PAM: variants seen among roughly 807,000 people sequenced by gnomAD.
PAM encodes peptidylglycine alpha-amidating monooxygenase.
A neutral mutation model predicts 122.1 loss-of-function variants in PAM; 72 were observed. The observed-to-expected ratio is 0.59, with a 90% CI of 0.49 to 0.72. PAM has a LOEUF of 0.72. Ranked by LOEUF, PAM falls within the 30% of genes least tolerant of loss-of-function variation. The probability of loss-of-function intolerance (pLI) is 0.00; values close to 1 mark genes in which losing one functional copy is unlikely to be tolerated. For synonymous variants in PAM, 389 were observed against 404.4 expected, an observed-to-expected ratio of 0.96 and a Z score of 0.46; for missense variants, 1,106 against 1,183.7, an observed-to-expected ratio of 0.93 and a Z score of 0.96.
chr5:102,925,137 A>G, intron 6 of PAM, 95 bp downstream of exon 6: 1 of 767,628 alleles, frequency 1.3e-6, no homozygotes, highest in South Asian at 1.4e-5. Context: ...CAGTGTTGAC[A>G]GTGTTCTGTA....
At chr5:102,770,404 T>C (rs1397495713) in intron 1 of PAM, among the ~76,000 whole-genome samples, 2 of 152,118 alleles carry the variant, frequency 1.3e-5, no homozygotes, top group Non-Finnish European at 2.9e-5. Flanking sequence ...CAGTACTGCG[T>C]TGAATAACAA....
intron 1 of PAM, among the ~76,000 whole-genome samples, chr5:102,801,810 G>C (rs990606954): frequency 8.3e-6 from 1 of 120,138 alleles, no homozygotes; most frequent in Non-Finnish European, 1.6e-5. Context: ...ACGGAGTCTC[G>C]CTCTGTCGCC....
chr5:102,774,937 T>C (rs1368249682), intron 1 of PAM, among the ~76,000 whole-genome samples: 1 of 152,092 alleles, frequency 6.6e-6, no homozygotes, highest in Non-Finnish European at 1.5e-5. Context: ...CTATTGTTTT[T>C]ATTTTTATAA....
In PAM at chr5:102,990,386, A is replaced by G. The variant is rs747255186; in HGVS notation, c.1598A>G (p.His533Arg). The stretch of plus-strand genomic sequence containing the variant: ...CTGGTGATTTTCCACAGAGGTGACC[A>G]TGTCTGGGATGGAAAGTAAGTAATA... ...NNLVIFHRGD[H>R]VWDGNSFDSK... The change falls in exon 16 of 26, where the codon CAT becomes CGT. Residue 533 changes from histidine (H) to arginine (R), a missense_variant. This residue lies in a region of PAM where 670 missense variants were observed against 690.3 expected (regional missense o/e 0.97). Transcript: ENST00000438793. The G allele has an allele frequency of 1.3e-6, 2 of 1,595,382 alleles. No homozygotes were observed. The highest frequency in any genetic ancestry group is 1.1e-5 in the South Asian group (1 of 87,304).
chr5:102,915,824 A>G (rs1008779823), intron 5 of PAM, among the ~76,000 whole-genome samples: 1 of 152,120 alleles, frequency 6.6e-6, no homozygotes, highest in Non-Finnish European at 1.5e-5. Flanking sequence ...AGCCAAGCTC[A>G]TTGTTCTCAT....
chr5:102,910,724 G>A (rs1261585199), intron 4 of PAM, among the ~76,000 whole-genome samples: 1 of 151,768 alleles, frequency 6.6e-6, no homozygotes, highest in Non-Finnish European at 1.5e-5. Flanking sequence ...TGTCAGAATC[G>A]CACACTGAAA....
At chr5:102,958,014 A>G (rs1472054799) in intron 12 of PAM, among the ~76,000 whole-genome samples, 2 of 152,200 alleles carry the variant, frequency 1.3e-5, no homozygotes, top group African/African-American at 2.4e-5. Flanking sequence ...GCAACAGAGA[A>G]CACACTGGCC....
At chr5:102,992,242 G>T (rs1438592534) in intron 16 of PAM, among the ~76,000 whole-genome samples, 1 of 152,218 alleles carries the variant, frequency 6.6e-6, no homozygotes, top group East Asian at 1.9e-4. Flanking sequence ...TCTACAAAGG[G>T]GTGCAGTTGA....
In PAM at chr5:102,950,416, G is replaced by GTGTGTGTGT. The variant is rs1758418594; in HGVS notation, c.802-301_802-300insTGTGTGTGT. Among the ~76,000 whole-genome samples, 1,119 of 146,044 alleles carry GTGTGTGTGT rather than the reference G, an allele frequency of 7.7e-3. 13 individuals carry two copies. Among genetic ancestry groups the GTGTGTGTGT allele is most frequent in the African/African-American group, 0.027 (1,039 of 38,996 alleles). ...CAGTGATTATTTGTGTATGTGGGTGGGTGTGTGTGTGTGTGTGTGTGTGTC... is the reference window on the plus strand; with the variant it reads ...CAGTGATTATTTGTGTATGTGGGTGGTGTGTGTGTGTGTGTGTGTGTGTGTGTGTGTGTC... On this transcript the variant is annotated intron_variant, in intron 11 of 25. Coordinates refer to ENST00000438793, the MANE Select transcript of PAM (RefSeq NM_001177306.2).
intron 4 of PAM, among the ~76,000 whole-genome samples, chr5:102,907,591 G>A (rs533775234): frequency 1.3e-5 from 2 of 150,570 alleles, no homozygotes; most frequent in African/African-American, 4.9e-5. Context: ...CCCACCAACA[G>A]TGTAAAAGTG....
chr5:103,030,010 T>C (rs544495708), downstream of PAM: 2 of 152,312 alleles, frequency 1.3e-5, no homozygotes, highest in African/African-American at 4.8e-5. Flanking sequence ...AGTGGATACC[T>C]GTGTCTCAAA....
intron 21 of PAM, among the ~76,000 whole-genome samples, chr5:103,011,390 ACACACACACACTCT>A (rs1464817883): frequency 6.6e-6 from 1 of 151,550 alleles, no homozygotes; most frequent in African/African-American, 2.4e-5. Context: ...ACACACACAC[ACACACACACACTCT>A]CTCTCTCTGT....
At chr5:102,934,624 G>T (rs1271577911) in intron 7 of PAM, among the ~76,000 whole-genome samples, 3 of 152,096 alleles carry the variant, frequency 2.0e-5, no homozygotes, top group Non-Finnish European at 2.9e-5. Context: ...AAACCTTTAT[G>T]CAAATGCTTG....
chr5:103,008,570 T>G (rs1779717244), intron 20 of PAM, among the ~76,000 whole-genome samples: 2 of 152,114 alleles, frequency 1.3e-5, no homozygotes, highest in South Asian at 4.1e-4. Context: ...CATTGACTAT[T>G]TATAGGTATT....
chr5:102,838,553 G>A (rs1363904526), intron 1 of PAM: 2 of 152,116 alleles, frequency 1.3e-5, no homozygotes, highest in Non-Finnish European at 2.9e-5. Flanking sequence ...TTTTAGTTGA[G>A]TGTATGTTTT....
At chr5:102,824,382 A>G (rs1772973277) in intron 1 of PAM, among the ~76,000 whole-genome samples, 1 of 152,166 alleles carries the variant, frequency 6.6e-6, no homozygotes, top group Admixed American at 6.5e-5. Flanking sequence ...TTATAGCTAC[A>G]TTGTTTTATC....
chr5:102,962,831 A>G (rs1762891819), intron 14 of PAM, among the ~76,000 whole-genome samples: 1 of 151,862 alleles, frequency 6.6e-6, no homozygotes, highest in Non-Finnish European at 1.5e-5. Flanking sequence ...TGTGTTTTAT[A>G]GCATATATAT....
At position 103,004,393 on chromosome 5, in the gene PAM, T is replaced by C. The variant is rs7736093; in HGVS notation, c.1731-761T>C. 1.3e-3 allele frequency among the ~76,000 whole-genome samples: 201 copies of C among 152,310 alleles called. 2 individuals carry two copies. Among genetic ancestry groups the C allele is most frequent in the African/African-American group, 4.8e-3 (198 of 41,582 alleles). ...CAAAACAGGGATCTAGTTCAGCTAA[T>C]TAGTCAAAATCAGAGTGTTACAGTT... On this transcript the variant is annotated intron_variant, in intron 17 of 25. Coordinates refer to ENST00000438793, the MANE Select transcript of PAM (RefSeq NM_001177306.2).
At chr5:102,919,469 T>C (rs1350213057) in intron 5 of PAM, among the ~76,000 whole-genome samples, 2 of 152,130 alleles carry the variant, frequency 1.3e-5, no homozygotes, top group African/African-American at 4.8e-5. Context: ...ATACACTATA[T>C]ACAGCAGGAT....
Sources: gnomAD v4.1 joint callset for allele counts (sites outside exome capture counted in the v4.1 genomes callset) on GRCh38, gnomAD v4.1.1 for gene constraint, gnomAD v4.1.1 regional missense constraint, MANE v1.5 for transcripts, NCBI Gene and HGNC (gene_info 2026-07-23, HGNC 2026-07-21) for gene names.